ADAM22: variants seen among roughly 807,000 people sequenced by gnomAD.
The protein encoded by ADAM22 is disintegrin and metalloproteinase domain-containing protein 22.
ADAM22 carries 65 observed loss-of-function variants against 144.6 expected under a neutral mutation model. That is an observed-to-expected ratio of 0.45 (90% CI 0.37 to 0.55). ADAM22 has a LOEUF of 0.55. Among genes scored for constraint, ADAM22 ranks in the 20% least tolerant of loss-of-function variants. ADAM22 has a pLI of 0.00. For synonymous variants in ADAM22, 391 were observed against 412.6 expected (o/e 0.95, Z 0.63); for missense variants, 974 against 1,184.9 (o/e 0.82, Z 2.61).
At position 88,196,379 on chromosome 7, in the gene ADAM22, G is replaced by A. The variant is rs190472473; in HGVS notation, c.2875-92G>A. 4.9e-6 allele frequency: 7 copies of A among 1,429,386 alleles called. No homozygotes were observed. In the East Asian group the frequency reaches 1.1e-4, roughly 23 times the overall value. 88.5% of individuals were successfully genotyped at this position (1,429,386 alleles called of 1,614,324 possible). A position where few individuals can be genotyped will look rare whatever the true frequency, so the allele number is the denominator to read the frequency against. Reference sequence around the variant, plus strand: ...GTGCATCCACAATCACATATATATGGATGGAATCACTGAATCTTTTTCATC... The same window carrying A: ...GTGCATCCACAATCACATATATATGAATGGAATCACTGAATCTTTTTCATC... On this transcript the variant is annotated intron_variant, in intron 31 of 31. Transcript: ENST00000413139.
At position 88,083,587 on chromosome 7, in the gene ADAM22, T is replaced by TTGTGTGTG. The variant is rs35145003; in HGVS notation, c.390+7935_390+7942dup. ...TTTTTTTTCTCTTTTTACTTTGTGT[T>TTGTGTGTG]TGTGTGTGTGTGTGTGTGTGTGTGT... On this transcript the variant is annotated intron_variant, in intron 4 of 31. Transcript: ENST00000413139. 2.2e-3 allele frequency among the ~76,000 whole-genome samples: 284 copies of TTGTGTGTG among 126,738 alleles called. 1 individual carries two copies. The highest frequency in any genetic ancestry group is 7.6e-3 in the African/African-American group (255 of 33,550). 83.1% of individuals were successfully genotyped at this position (126,738 alleles called of 152,430 possible).
intron 4 of ADAM22, among the ~76,000 whole-genome samples, chr7:88,075,895 G>A (rs1189682161): frequency 6.6e-6 from 1 of 152,158 alleles, no homozygotes; most frequent in Non-Finnish European, 1.5e-5. Context: ...GGGTACTGTA[G>A]GAATTGCTAG....
chr7:88,015,969 A>G (rs1191147677), intron 3 of ADAM22, among the ~76,000 whole-genome samples: 2 of 152,052 alleles, frequency 1.3e-5, no homozygotes, highest in Admixed American at 1.3e-4. Context: ...CATATAACAA[A>G]TGTATATATG....
intron 2 of ADAM22, among the ~76,000 whole-genome samples, chr7:87,957,926 A>G (rs1037827301): frequency 6.6e-6 from 1 of 152,094 alleles, no homozygotes. Flanking sequence ...ATAACAATAT[A>G]TTACTGTTTT....
In ADAM22 at chr7:87,977,258, C is replaced by T. The variant is rs142887788; in HGVS notation, c.247-1078C>T. On this transcript the variant is annotated intron_variant, in intron 2 of 31. Coordinates refer to ENST00000413139, the MANE Select transcript of ADAM22 (RefSeq NM_001324418.2). The stretch of plus-strand genomic sequence containing the variant: ...GTCTTATTATTATTAATCAGACTCT[C>T]TCCTTTCACCTAATCTCATAGTTTA... Among the ~76,000 whole-genome samples, 13 of 152,300 alleles carry T rather than the reference C, an allele frequency of 8.5e-5. No homozygotes were observed. The East Asian group carries it at 2.5e-3, about 29-fold the overall frequency.
At chr7:87,978,244 T>C in intron 2 of ADAM22, 92 bp from the exon 3 acceptor site, 1 of 951,360 alleles carries the variant, frequency 1.1e-6, no homozygotes, top group East Asian at 2.5e-5. Flanking sequence ...TCTTATGATA[T>C]TGTAAGTGTT....
intron 7 of ADAM22, among the ~76,000 whole-genome samples, chr7:88,118,655 C>G (rs13245443): frequency 2.2e-5 from 3 of 137,160 alleles, no homozygotes. Context: ...ATCTATCTAT[C>G]TATATATATA....
intron 17 of ADAM22, among the ~76,000 whole-genome samples, chr7:88,147,549 G>A (rs1836891540): frequency 6.6e-6 from 1 of 152,290 alleles, no homozygotes; most frequent in South Asian, 2.1e-4. Flanking sequence ...ATAAAGATAG[G>A]CAATCAGTGA....
rs1438170649 is a variant in ADAM22, at chr7:88,156,721, G to A, written c.1907+715G>A. On this transcript the variant is annotated intron_variant, in intron 22 of 31. Coordinates refer to ENST00000413139, the MANE Select transcript of ADAM22 (RefSeq NM_001324418.2). ...AAACGGGATTTGCCACCCTCCCATG[G>A]AAGATTGGAGCTTTATACTCTATAG... is the stretch of plus-strand genomic sequence containing the variant. Among the ~76,000 whole-genome samples, 5 of 152,084 alleles carry A rather than the reference G, an allele frequency of 3.3e-5. No individual in the cohort carries two copies. In the East Asian group the frequency reaches 9.7e-4, roughly 29 times the overall value.
At chr7:88,163,340 G>T (rs1335930586) in intron 23 of ADAM22, among the ~76,000 whole-genome samples, 160 bp downstream of exon 23, 1 of 151,940 alleles carries the variant, frequency 6.6e-6, no homozygotes, top group African/African-American at 2.4e-5. Flanking sequence ...GAATATTTCT[G>T]TTGTATAATC....
At chr7:88,103,531 CTA>C (rs1823524949) in intron 4 of ADAM22, among the ~76,000 whole-genome samples, 2 of 151,946 alleles carry the variant, frequency 1.3e-5, no homozygotes, top group South Asian at 4.2e-4. Context: ...TTAGCTATAA[CTA>C]TGTAGCTAAA....
At chr7:88,141,470 A>T (rs1005009868) in intron 14 of ADAM22, among the ~76,000 whole-genome samples, 1 of 152,340 alleles carries the variant, frequency 6.6e-6, no homozygotes, top group Middle Eastern at 3.4e-3. Flanking sequence ...AGAAGTAGGG[A>T]TATAAATGGA....
intron 3 of ADAM22, among the ~76,000 whole-genome samples, chr7:88,022,166 G>A (rs973224858): frequency 5.3e-5 from 8 of 151,858 alleles, no homozygotes; most frequent in Non-Finnish European, 2.9e-5. Context: ...AAAGTGCTAG[G>A]ATTACAGGCA....
intron 3 of ADAM22, among the ~76,000 whole-genome samples, chr7:88,018,995 A>C (rs530527593): frequency 3.7e-4 from 57 of 152,274 alleles, no homozygotes; most frequent in African/African-American, 1.3e-3. Flanking sequence ...ATAACGTAAG[A>C]GTATTTATCT....
intron 22 of ADAM22, 108 bp downstream of exon 22, chr7:88,156,114 T>A: frequency 8.2e-7 from 1 of 1,219,466 alleles, no homozygotes; most frequent in Non-Finnish European, 1.2e-6. Context: ...GGTCGAAATA[T>A]AATCTAGTCT....
intron 30 of ADAM22, among the ~76,000 whole-genome samples, chr7:88,187,462 T>C (rs1848573414): frequency 6.6e-6 from 1 of 152,196 alleles, no homozygotes; most frequent in South Asian, 2.1e-4. Flanking sequence ...AACTATCAAA[T>C]TTACTCAGTT....
rs554966083 is a variant in ADAM22 at position 88,166,477 on chromosome 7, G to T, written c.2191+531G>T. ...TAACAGGTGCAGTCCTAAAAGCTAG[G>T]GTGGCCCAAATGGGGGTATAGAAAT... On this transcript the variant is annotated intron_variant, in intron 24 of 31. Transcript: ENST00000413139. Among the ~76,000 whole-genome samples the T allele has an allele frequency of 2.0e-5, 3 of 152,140 alleles. No individual in the cohort carries two copies. The East Asian group carries it at 5.8e-4, about 30-fold the overall frequency.
chr7:88,150,826 A>T (rs950800206), intron 18 of ADAM22, among the ~76,000 whole-genome samples, 155 bp from the exon 19 acceptor site: 9 of 152,060 alleles, frequency 5.9e-5, no homozygotes, highest in Non-Finnish European at 1.0e-4. Flanking sequence ...AAGGACATCC[A>T]CTTGCTCTTG....
chr7:88,183,543 T>A (rs1847605200), intron 29 of ADAM22, among the ~76,000 whole-genome samples: 1 of 152,148 alleles, frequency 6.6e-6, no homozygotes, highest in Non-Finnish European at 1.5e-5. Context: ...TTTTTAAATG[T>A]TGTGTATAAT....
Sources: gnomAD v4.1 joint callset for allele counts (sites outside exome capture counted in the v4.1 genomes callset) on GRCh38, gnomAD v4.1.1 for gene constraint, MANE v1.5 for transcripts, NCBI Gene and HGNC (gene_info 2026-07-23, HGNC 2026-07-21) for gene names.